IL1RAPL2: variants seen among roughly 807,000 people sequenced by gnomAD.
IL1RAPL2 encodes the protein interleukin 1 receptor accessory protein like 2.
In IL1RAPL2, 3 loss-of-function variants were observed where a neutral mutation model predicts 44.1. The observed-to-expected ratio is 0.07, with a 90% confidence interval of 0.03 to 0.18. IL1RAPL2 has a LOEUF of 0.18. IL1RAPL2 is among the 10% of genes least tolerant of loss of function. IL1RAPL2 has a pLI of 1.00. For missense variants in IL1RAPL2, 391 were observed against 496.4 expected, an observed-to-expected ratio of 0.79 and a Z score of 2.02; for synonymous variants, 181 against 178.8, an observed-to-expected ratio of 1.01 and a Z score of -0.10.
chrX:105,506,742 A>G, intron 6 of IL1RAPL2, among the ~76,000 whole-genome samples: 1 of 112,120 alleles, frequency 8.9e-6, no homozygotes, highest in East Asian at 2.8e-4. Flanking sequence ...TATAAGTCGT[A>G]AGATCAAATG....
chrX:105,307,630 T>C (rs1360843557), intron 5 of IL1RAPL2, among the ~76,000 whole-genome samples: 1 of 58,825 alleles, frequency 1.7e-5, no homozygotes, highest in African/African-American at 9.1e-5. Flanking sequence ...TTCTATTATA[T>C]ATATTATATA....
At chrX:105,203,580 A>G (rs2033736028) in intron 3 of IL1RAPL2, among the ~76,000 whole-genome samples, 1 of 111,782 alleles carries the variant, frequency 8.9e-6, no homozygotes, top group African/African-American at 3.3e-5. Flanking sequence ...TCTCTAGTAA[A>G]CCCATTCCAA....
chrX:105,016,005 A>G (rs974413551), intron 2 of IL1RAPL2, among the ~76,000 whole-genome samples: 13 of 110,769 alleles, frequency 1.2e-4, no homozygotes, highest in African/African-American at 4.3e-4. Context: ...GTGGTTTGTA[A>G]TTCTCCTTGA....
intron 2 of IL1RAPL2, among the ~76,000 whole-genome samples, chrX:104,711,545 C>T (rs1368754579): frequency 9.1e-6 from 1 of 110,012 alleles, no homozygotes; most frequent in Non-Finnish European, 1.9e-5. Context: ...TAATGAAAGA[C>T]AAATATGGCA....
At chrX:105,565,814 A>G (rs767605782) in intron 6 of IL1RAPL2, among the ~76,000 whole-genome samples, 10 of 112,096 alleles carry the variant, frequency 8.9e-5, no homozygotes, top group Non-Finnish European at 1.3e-4. Flanking sequence ...TCTCTTTCCA[A>G]GACACCACTG....
At chrX:105,114,443 C>G (rs1003058088) in intron 2 of IL1RAPL2, among the ~76,000 whole-genome samples, 15 of 112,211 alleles carry the variant, frequency 1.3e-4, no homozygotes, top group African/African-American at 4.9e-4. Context: ...AAATTATTCC[C>G]CTTTGCATAT....
intron 2 of IL1RAPL2, among the ~76,000 whole-genome samples, chrX:104,843,475 C>T (rs1265765449): frequency 9.9e-5 from 11 of 111,091 alleles, no homozygotes; most frequent in African/African-American, 3.6e-4. Flanking sequence ...CCTGTGGCTA[C>T]CTCGGTGCCT....
intron 6 of IL1RAPL2, among the ~76,000 whole-genome samples, chrX:105,712,733 G>A (rs1032934842): frequency 9.0e-6 from 1 of 111,655 alleles, no homozygotes; most frequent in African/African-American, 3.3e-5. Context: ...GTCCCCCAAA[G>A]TCTTAACTCA....
intron 1 of IL1RAPL2, among the ~76,000 whole-genome samples, chrX:104,583,638 T>C (rs758021833): frequency 6.2e-5 from 7 of 112,143 alleles, no homozygotes; most frequent in Non-Finnish European, 1.3e-4. Flanking sequence ...TTGTTTACCA[T>C]TCATCAATTG....
chrX:105,042,385 G>A (rs1382508970), intron 2 of IL1RAPL2, among the ~76,000 whole-genome samples: 1 of 109,270 alleles, frequency 9.2e-6, no homozygotes. Context: ...TTACAAGAAA[G>A]AAACAAACAA....
intron 2 of IL1RAPL2, among the ~76,000 whole-genome samples, chrX:104,780,415 T>C (rs1355464573): frequency 4.5e-5 from 5 of 111,946 alleles, no homozygotes; most frequent in African/African-American, 1.3e-4. Flanking sequence ...TGGCCCCATA[T>C]GCAAGGACTG....
chrX:105,214,555 TAGAC>T (rs782279125), intron 3 of IL1RAPL2, among the ~76,000 whole-genome samples: 10 of 110,938 alleles, frequency 9.0e-5, no homozygotes, highest in African/African-American at 2.3e-4. Context: ...CTATCAATAT[TAGAC>T]AGATCAATGA....
At chrX:105,340,979 A>G (rs2035065572) in intron 5 of IL1RAPL2, among the ~76,000 whole-genome samples, 1 of 110,196 alleles carries the variant, frequency 9.1e-6, no homozygotes, top group African/African-American at 3.4e-5. Flanking sequence ...TTATTGTTGA[A>G]TGAATACATG....
At chrX:105,419,227 T>A (rs1255573927) in intron 5 of IL1RAPL2, among the ~76,000 whole-genome samples, 2 of 111,761 alleles carry the variant, frequency 1.8e-5, no homozygotes, top group Non-Finnish European at 3.8e-5. Context: ...ACTGGTACAT[T>A]TTTCCATAGA....
chrX:104,982,567 A>T (rs5962453), intron 2 of IL1RAPL2, among the ~76,000 whole-genome samples: 59,599 of 109,406 alleles, frequency 0.54, 12,976 homozygotes, highest in African/African-American at 0.81. Context: ...TCAGGTTGAA[A>T]TGAATAAAAG....
chrX:105,389,927 C>T (rs1354746156), intron 5 of IL1RAPL2, among the ~76,000 whole-genome samples: 2 of 110,888 alleles, frequency 1.8e-5, no homozygotes, highest in African/African-American at 6.6e-5. Context: ...AACCCTGTCC[C>T]TCTCCATCCA....
chrX:105,724,166 C>CT (rs1016028121), intron 7 of IL1RAPL2, among the ~76,000 whole-genome samples: 1 of 110,752 alleles, frequency 9.0e-6, no homozygotes, highest in Non-Finnish European at 1.9e-5. Context: ...TGTGTTACAA[C>CT]TTTTTATTTC....
At chrX:104,708,807 CTCTA>C (rs1276798073) in intron 2 of IL1RAPL2, among the ~76,000 whole-genome samples, 4 of 110,842 alleles carry the variant, frequency 3.6e-5, no homozygotes, top group East Asian at 2.9e-4. Flanking sequence ...CAATTATCAA[CTCTA>C]TCTAGGGCAG....
chrX:105,286,578 AGAGT>A (rs1449734939), intron 5 of IL1RAPL2, among the ~76,000 whole-genome samples: 2 of 106,902 alleles, frequency 1.9e-5, no homozygotes, highest in Admixed American at 2.0e-4. Context: ...AACTTAAGAC[AGAGT>A]AAGACAACGA....
Sources: allele counts gnomAD v4.1 joint callset (sites outside exome capture counted in the v4.1 genomes callset), GRCh38; gene constraint gnomAD v4.1.1; transcripts MANE v1.5; gene names NCBI Gene and HGNC (gene_info 2026-07-23, HGNC 2026-07-21).